MYO5A: variants seen among roughly 807,000 people sequenced by gnomAD.
MYO5A encodes myosin VA.
MYO5A carries 98 observed loss-of-function variants against 249.7 expected under a neutral mutation model. The observed-to-expected ratio is 0.39, with a 90% CI of 0.33 to 0.46. The LOEUF (loss-of-function observed/expected upper bound fraction) is 0.46. MYO5A is among the 20% of genes least tolerant of loss of function. MYO5A has a pLI of 0.98. For synonymous variants in MYO5A, 778 were observed against 810.6 expected (o/e 0.96, Z 0.68); for missense variants, 1,696 against 2,308.8 (o/e 0.73, Z 5.44).
rs559610577 is a variant in MYO5A, at chr15:52,490,499, A to AT, written c.27+38280dup. Among the ~76,000 whole-genome samples the AT allele has an allele frequency of 4.4e-4, 67 of 152,374 alleles. 1 individual carries two copies. The East Asian group carries it at 6.9e-3, about 16-fold the overall frequency. On this transcript the variant is annotated intron_variant, in intron 1 of 41. Coordinates refer to ENST00000399233, the MANE Select transcript of MYO5A (RefSeq NM_001382347.1). ...CACGACATGGATGAACCTTGAGGAC[A>AT]TTACGCCATATGAAATAAGCCAGTC...
At chr15:52,453,754 G>C (rs1163688668) in intron 1 of MYO5A, among the ~76,000 whole-genome samples, 2 of 152,032 alleles carry the variant, frequency 1.3e-5, no homozygotes, top group Non-Finnish European at 1.5e-5. Flanking sequence ...CTGCATTTCT[G>C]TCTTGTCTTT....
At chr15:52,316,912 G>A (rs1160078815) in intron 40 of MYO5A, 136 bp downstream of exon 40, 2 of 901,684 alleles carry the variant, frequency 2.2e-6, no homozygotes, top group East Asian at 5.0e-5. Context: ...TTTAAGATTG[G>A]TAGAGGCATA....
chr15:52,369,821 C>T (rs1200648580), intron 22 of MYO5A, among the ~76,000 whole-genome samples: 6 of 149,274 alleles, frequency 4.0e-5, no homozygotes, highest in South Asian at 2.1e-4. Flanking sequence ...AAGGAGTCTA[C>T]GCCCCAGACT....
At position 52,360,018 on chromosome 15, in the gene MYO5A, T is replaced by C. The variant is rs368904213; in HGVS notation, c.3373A>G (p.Ile1125Val). 2 of 1,613,800 alleles carry C rather than the reference T, an allele frequency of 1.2e-6. No homozygotes were observed. The highest frequency in any genetic ancestry group is 1.7e-6 in the Non-Finnish European group (2 of 1,179,800). ...STHSSNESEY[I>V]FSSEIAEMED... ...ATTTCTGCAATTTCAGAGCTAAAGATATATTCAGACTCGTTGCTGCTGTGG... is the reference window on the plus strand; with the variant it reads ...ATTTCTGCAATTTCAGAGCTAAAGACATATTCAGACTCGTTGCTGCTGTGG... The change falls in exon 25 of 42, where the codon ATC becomes GTC. Residue 1125 changes from isoleucine to valine, a missense_variant. Transcript: ENST00000399233.
chr15:52,499,720 T>G, intron 1 of MYO5A, among the ~76,000 whole-genome samples: 1 of 152,258 alleles, frequency 6.6e-6, no homozygotes, highest in East Asian at 1.9e-4. Flanking sequence ...ACATTTTGTT[T>G]ATCCATTCAT....
intron 1 of MYO5A, among the ~76,000 whole-genome samples, chr15:52,478,949 G>A (rs1199280247): frequency 6.6e-6 from 1 of 151,988 alleles, no homozygotes; most frequent in African/African-American, 2.4e-5. Flanking sequence ...TCTCTCAACT[G>A]TGAACAGTGC....
chr15:52,343,524 C>T (rs760188529), intron 30 of MYO5A, among the ~76,000 whole-genome samples: 2 of 152,138 alleles, frequency 1.3e-5, no homozygotes, highest in African/African-American at 2.4e-5. Context: ...TGATCTAATA[C>T]ATCACATATT....
At chr15:52,313,905 T>A in intron 41 of MYO5A, 57 bp from the exon 42 acceptor site, 2 of 1,585,178 alleles carry the variant, frequency 1.3e-6, no homozygotes, top group Non-Finnish European at 1.7e-6. Context: ...TCTAAAAGAC[T>A]TTTTTCTACT....
Position 52,313,474 on chromosome 15 carries a change from G to A in MYO5A, c.*222C>T. 1.7e-6 allele frequency: 1 copy of A among 575,312 alleles called. No individual in the cohort carries two copies. The highest frequency in any genetic ancestry group is 3.0e-6 in the Non-Finnish European group (1 of 328,022). 35.6% of individuals were successfully genotyped at this position (575,312 alleles called of 1,614,324 possible). A position where few individuals can be genotyped will look rare whatever the true frequency, so the allele number is the denominator to read the frequency against. On this transcript the variant is annotated 3_prime_UTR_variant, in exon 42 of 42. Transcript: ENST00000399233. ...TATGTAAACTCACGGTACCTAGTTGGTTAAGGATGAGTGTTGCTATAAAGA... is the reference window on the plus strand; with the variant it reads ...TATGTAAACTCACGGTACCTAGTTGATTAAGGATGAGTGTTGCTATAAAGA...
At chr15:52,425,320 ACT>A (rs552763983) in intron 4 of MYO5A, among the ~76,000 whole-genome samples, 151 of 151,132 alleles carry the variant, frequency 1.0e-3, no homozygotes, top group African/African-American at 3.6e-3. Context: ...GTTTTTAAAA[ACT>A]CTATGTCCCT....
rs1567030410 is a variant in MYO5A at position 52,336,477 on chromosome 15, AT to A, written c.4393del (p.Ile1465LeufsTer4). On this transcript the variant is annotated frameshift_variant, in exon 34 of 42. Coordinates refer to ENST00000399233, the MANE Select transcript of MYO5A (RefSeq NM_001382347.1). LOFTEE classifies it high-confidence loss of function. ...GGTTTAAATACCTTCTAGTTCGCCAATTTTTTTGGCAAATACTTTCAGTTGT... is the reference window on the plus strand; with the variant it reads ...GGTTTAAATACCTTCTAGTTCGCCAATTTTTTGGCAAATACTTTCAGTTGT... ...KKQLKVFAKK[I>X]GELEVGQMEN... The A allele has an allele frequency of 2.5e-6, 4 of 1,602,826 alleles. No homozygotes were observed. The highest frequency in any genetic ancestry group is 1.7e-5 in the Admixed American group (1 of 59,038).
chr15:52,378,877 T>C (rs2041584536), intron 18 of MYO5A, among the ~76,000 whole-genome samples: 2 of 152,328 alleles, frequency 1.3e-5, no homozygotes, highest in East Asian at 1.9e-4. Flanking sequence ...GAAATTCTGA[T>C]GGCGGGGCCC....
At chr15:52,423,031 T>C (rs1422924100) in intron 4 of MYO5A, among the ~76,000 whole-genome samples, 1 of 152,204 alleles carries the variant, frequency 6.6e-6, no homozygotes, top group African/African-American at 2.4e-5. Context: ...CTAATAGTTT[T>C]ATTGTTAATC....
intron 1 of MYO5A, among the ~76,000 whole-genome samples, chr15:52,498,064 C>A (rs964356377): frequency 3.3e-5 from 5 of 151,876 alleles, no homozygotes; most frequent in Non-Finnish European, 7.4e-5. Context: ...GCAAATTAAA[C>A]TCAAAGAAAG....
chr15:52,337,391 C>T (rs2039167578), intron 33 of MYO5A, among the ~76,000 whole-genome samples: 1 of 152,176 alleles, frequency 6.6e-6, no homozygotes, highest in African/African-American at 2.4e-5. Context: ...GGCTATGAGT[C>T]AGCAATGTGT....
At chr15:52,405,419 G>A (rs2141217473) in intron 8 of MYO5A, 26 bp from the exon 9 acceptor site, 1 of 1,509,716 alleles carries the variant, frequency 6.6e-7, no homozygotes, top group East Asian at 2.3e-5. Context: ...GAATGAACAA[G>A]TGATTAATTT....
intron 29 of MYO5A, 26 bp downstream of exon 29, chr15:52,348,792 C>T (rs767871850): frequency 3.1e-4 from 252 of 825,346 alleles, no homozygotes; most frequent in Non-Finnish European, 4.1e-4. Flanking sequence ...GAAGTATTTA[C>T]TAAAAAAAAA....
chr15:52,475,131 C>G (rs975808383), intron 1 of MYO5A, among the ~76,000 whole-genome samples: 8 of 152,058 alleles, frequency 5.3e-5, no homozygotes, highest in Non-Finnish European at 1.2e-4. Context: ...TGTATGTGTC[C>G]AGGAATTTAT....
intron 1 of MYO5A, among the ~76,000 whole-genome samples, chr15:52,482,277 A>G (rs1295563327): frequency 6.6e-6 from 1 of 152,142 alleles, no homozygotes; most frequent in Admixed American, 6.5e-5. Context: ...ACTCTACCTG[A>G]CCTTCTTCAT....
Sources: allele counts gnomAD v4.1 joint callset (sites outside exome capture counted in the v4.1 genomes callset), GRCh38; gene constraint gnomAD v4.1.1; transcripts MANE v1.5; gene names NCBI Gene and HGNC (gene_info 2026-07-23, HGNC 2026-07-21).